The following TASP1 variants were observed in gnomAD, a reference collection of about 807,000 sequenced individuals.
The protein encoded by TASP1 is threonine aspartase 1.
In TASP1, 16 loss-of-function variants were observed where a neutral mutation model predicts 56.6. The observed-to-expected ratio is 0.28, with a 90% CI of 0.19 to 0.43. TASP1 has a LOEUF of 0.43. TASP1 is among the 20% of genes least tolerant of loss of function. The pLI, the probability that TASP1 is intolerant of heterozygous loss-of-function variation, is 1.00. For synonymous variants in TASP1, 179 were observed against 184.2 expected, an observed-to-expected ratio of 0.97 and a Z score of 0.23; for missense variants, 393 against 511.6, an observed-to-expected ratio of 0.77 and a Z score of 2.24.
chr20:13,589,461 C>CA (rs2047441401), intron 4 of TASP1, among the ~76,000 whole-genome samples: 2 of 152,202 alleles, frequency 1.3e-5, no homozygotes, highest in Non-Finnish European at 2.9e-5. Flanking sequence ...AAAATTAACT[C>CA]AAAGTGGACC....
At chr20:13,105,388 C>A in the TASP1 span, among the ~76,000 whole-genome samples, 2 of 152,288 alleles carry the variant, frequency 1.3e-5, no homozygotes, top group African/African-American at 4.8e-5. Context: ...TCAAACACAA[C>A]GAAGTCCCTG....
chr20:13,366,406 G>C, the TASP1 span, among the ~76,000 whole-genome samples: 14 of 152,282 alleles, frequency 9.2e-5, no homozygotes, highest in African/African-American at 3.1e-4. Context: ...AAGTGTCTAA[G>C]AACCCAAGTG....
intron 13 of TASP1, among the ~76,000 whole-genome samples, chr20:13,415,710 A>G (rs2042232552): frequency 1.3e-5 from 2 of 152,112 alleles, no homozygotes; most frequent in South Asian, 4.1e-4. Context: ...TTTCCTACCT[A>G]TATTTCACAT....
chr20:13,535,162 G>C (rs548438996), intron 8 of TASP1, among the ~76,000 whole-genome samples: 1 of 152,118 alleles, frequency 6.6e-6, no homozygotes, highest in Non-Finnish European at 1.5e-5. Flanking sequence ...TACTGAGCAG[G>C]ACTTGGTTGG....
chr20:13,184,537 A>C, the TASP1 span, among the ~76,000 whole-genome samples: 1 of 152,200 alleles, frequency 6.6e-6, no homozygotes, highest in Admixed American at 6.5e-5. Context: ...CACAAGCTCA[A>C]GTAGTAGACT....
chr20:13,523,615 C>T (rs1343765554), intron 10 of TASP1, among the ~76,000 whole-genome samples: 1 of 152,030 alleles, frequency 6.6e-6, no homozygotes, highest in Non-Finnish European at 1.5e-5. Context: ...AATATTGAGG[C>T]ATAAGGCTGT....
the TASP1 span, among the ~76,000 whole-genome samples, chr20:13,224,461 C>CT: frequency 2.0e-5 from 3 of 152,298 alleles, no homozygotes; most frequent in Non-Finnish European, 4.4e-5. Context: ...TGTATTCTTT[C>CT]TTTTTACCAG....
At chr20:13,540,310 C>T (rs1431404989) in intron 8 of TASP1, among the ~76,000 whole-genome samples, 1 of 152,160 alleles carries the variant, frequency 6.6e-6, no homozygotes, top group African/African-American at 2.4e-5. Context: ...ATATTAATCA[C>T]AATTTTATAA....
the TASP1 span, among the ~76,000 whole-genome samples, chr20:13,157,666 A>C: frequency 2.1e-5 from 3 of 143,274 alleles, no homozygotes; most frequent in African/African-American, 8.5e-5. Context: ...TACAAACAGA[A>C]AAAAAAAAAA....
At chr20:13,444,166 C>T (rs1450484099) in intron 11 of TASP1, among the ~76,000 whole-genome samples, 2 of 152,114 alleles carry the variant, frequency 1.3e-5, no homozygotes, top group Non-Finnish European at 2.9e-5. Flanking sequence ...CAAGCACAAC[C>T]AGCATTACCT....
the TASP1 span, among the ~76,000 whole-genome samples, chr20:13,141,258 T>C: frequency 6.6e-6 from 1 of 152,236 alleles, no homozygotes; most frequent in Non-Finnish European, 1.5e-5. Flanking sequence ...AGCTACACTA[T>C]CCATTCACAT....
At chr20:13,311,063 G>A in the TASP1 span, among the ~76,000 whole-genome samples, 25 of 152,094 alleles carry the variant, frequency 1.6e-4, no homozygotes, top group East Asian at 3.9e-4. Context: ...GCATGGTGGC[G>A]GGTGCCTGTA....
chr20:13,548,114 G>T (rs564455350), intron 8 of TASP1, among the ~76,000 whole-genome samples: 1 of 152,182 alleles, frequency 6.6e-6, no homozygotes, highest in African/African-American at 2.4e-5. Flanking sequence ...TGGAAAGACA[G>T]ACAGCCATGT....
chr20:13,416,437 A>G (rs749278807), intron 13 of TASP1, among the ~76,000 whole-genome samples: 4 of 152,322 alleles, frequency 2.6e-5, no homozygotes, highest in South Asian at 4.1e-4. Flanking sequence ...GTCTGAATAA[A>G]TGTTCTTTAC....
At chr20:13,129,001 C>T in the TASP1 span, among the ~76,000 whole-genome samples, 2 of 151,818 alleles carry the variant, frequency 1.3e-5, no homozygotes, top group Admixed American at 6.6e-5. Flanking sequence ...CTCAGCCTCC[C>T]GAGTAGCTGG....
intron 1 of TASP1, among the ~76,000 whole-genome samples, chr20:13,632,007 G>A (rs375469105): frequency 2.6e-5 from 4 of 151,402 alleles, no homozygotes; most frequent in South Asian, 2.1e-4. Context: ...AGCTGCGATC[G>A]CGCCACTGCA....
intron 10 of TASP1, among the ~76,000 whole-genome samples, chr20:13,525,368 G>C (rs1050612845): frequency 4.6e-5 from 7 of 152,038 alleles, no homozygotes; most frequent in African/African-American, 1.7e-4. Flanking sequence ...CCCTAGCTAG[G>C]CAAATTCCTA....
the TASP1 span, chr20:13,288,471 G>C: frequency 6.6e-7 from 1 of 1,514,332 alleles, no homozygotes. Context: ...TAATTGACAG[G>C]CTGCTTGATG....
intron 11 of TASP1, among the ~76,000 whole-genome samples, chr20:13,465,608 T>G (rs1015809239): frequency 7.9e-5 from 12 of 151,856 alleles, no homozygotes; most frequent in African/African-American, 2.9e-4. Context: ...GAGTAAAAGG[T>G]TCAACAAATT....
Sources: allele counts gnomAD v4.1 joint callset (sites outside exome capture counted in the v4.1 genomes callset), GRCh38; gene constraint gnomAD v4.1.1; transcripts MANE v1.5; gene names NCBI Gene and HGNC (gene_info 2026-07-23, HGNC 2026-07-21).